LIN9: variants seen among roughly 807,000 people sequenced by gnomAD.
LIN9 encodes lin-9 DREAM MuvB core complex component.
In LIN9, 18 loss-of-function variants were observed where a neutral mutation model predicts 78.0. The observed-to-expected ratio is 0.23, with a 90% CI of 0.16 to 0.34. LIN9 has a LOEUF of 0.34. Ranked by LOEUF, LIN9 falls within the 10% of genes least tolerant of loss-of-function variation. The pLI, the probability that LIN9 is intolerant of heterozygous loss-of-function variation, is 1.00. For missense variants in LIN9, 451 were observed against 644.1 expected, an observed-to-expected ratio of 0.70 and a Z score of 3.25; for synonymous variants, 192 against 215.2, an observed-to-expected ratio of 0.89 and a Z score of 0.94.
At chr1:226,259,849 C>A (rs1659451339) in intron 10 of LIN9, among the ~76,000 whole-genome samples, 2 of 151,184 alleles carry the variant, frequency 1.3e-5, no homozygotes, top group African/African-American at 2.4e-5. Context: ...ATTTAAGCTT[C>A]CACCTTAGGA....
At chr1:226,301,741 G>T (rs939540421) in intron 1 of LIN9, among the ~76,000 whole-genome samples, 1 of 152,180 alleles carries the variant, frequency 6.6e-6, no homozygotes, top group Non-Finnish European at 1.5e-5. Flanking sequence ...CTAGAATAAA[G>T]TTGGAGGGGT....
intron 1 of LIN9, among the ~76,000 whole-genome samples, chr1:226,303,475 C>T (rs977367159): frequency 6.6e-6 from 1 of 152,176 alleles, no homozygotes; most frequent in African/African-American, 2.4e-5. Context: ...AAAGGTGATG[C>T]TTAAGCAGAG....
rs1657402458 is a variant in LIN9 at position 226,232,526 on chromosome 1, G to GC, written c.1603dup (p.Ala535GlyfsTer4). The GC allele has an allele frequency of 1.2e-6, 2 of 1,610,246 alleles. No homozygotes were observed. The highest frequency in any genetic ancestry group is 2.7e-5 in the African/African-American group (2 of 74,836). On this transcript the variant is annotated frameshift_variant, in exon 15 of 15. Coordinates refer to ENST00000681046, the MANE Select transcript of LIN9 (RefSeq NM_001366245.2). LOFTEE classifies it high-confidence loss of function. ...TCAGTCTCTGTTGGTGTTATTTGCTGCAAAGGCATGTAAGTTTCCCATCTG... is the reference window on the plus strand; with the variant it reads ...TCAGTCTCTGTTGGTGTTATTTGCTGCCAAAGGCATGTAAGTTTCCCATCTG...
chr1:226,274,744 T>C (rs775084223), intron 7 of LIN9, among the ~76,000 whole-genome samples: 3 of 152,086 alleles, frequency 2.0e-5, no homozygotes, highest in Admixed American at 6.6e-5. Context: ...CGACCCAGTC[T>C]TTTAGTGTTT....
chr1:226,246,618 TAA>T (rs759432059), intron 11 of LIN9, among the ~76,000 whole-genome samples: 26 of 131,460 alleles, frequency 2.0e-4, no homozygotes, highest in Admixed American at 2.3e-4. Flanking sequence ...CCGTCTCTAC[TAA>T]AAAAAAAAAA....
At chr1:226,250,396 G>GA (rs1658757814) in intron 11 of LIN9, among the ~76,000 whole-genome samples, 1 of 152,156 alleles carries the variant, frequency 6.6e-6, no homozygotes, top group Non-Finnish European at 1.5e-5. Flanking sequence ...GCAAACTGCT[G>GA]AAAGAACCTA....
chr1:226,232,494 T>C lies in LIN9; in HGVS notation c.*7A>G. ...GTCCCGTGCAGTTGGAATAATGAAA[T>C]CTTTACTCAGTCTCTGTTGGTGTTA... On this transcript the variant is annotated 3_prime_UTR_variant, in exon 15 of 15. Transcript: ENST00000681046. The C allele has an allele frequency of 6.3e-7, 1 of 1,590,380 alleles. No individual in the cohort carries two copies. Among genetic ancestry groups the C allele is most frequent in the Admixed American group, 1.7e-5 (1 of 59,480 alleles).
intron 1 of LIN9, among the ~76,000 whole-genome samples, chr1:226,302,607 A>G (rs1404015892): frequency 6.6e-6 from 1 of 152,122 alleles, no homozygotes; most frequent in Non-Finnish European, 1.5e-5. Context: ...AGAAAGCACT[A>G]AATTTAAAAA....
At chr1:226,295,427 C>T (rs1466210444) in intron 4 of LIN9, among the ~76,000 whole-genome samples, 2 of 151,550 alleles carry the variant, frequency 1.3e-5, no homozygotes, top group African/African-American at 4.8e-5. Flanking sequence ...CCAGCCTGGG[C>T]GACAGAGTGA....
intron 10 of LIN9, among the ~76,000 whole-genome samples, chr1:226,264,517 T>C (rs1659793697): frequency 6.6e-6 from 1 of 152,110 alleles, no homozygotes; most frequent in Admixed American, 6.5e-5. Context: ...ACTGTGAATA[T>C]TTTCATGGAT....
chr1:226,307,952 T>C (rs1663022127), intron 1 of LIN9, among the ~76,000 whole-genome samples: 2 of 152,222 alleles, frequency 1.3e-5, no homozygotes, highest in Admixed American at 1.3e-4. Flanking sequence ...CAAACACTTT[T>C]AATACGACTT....
At position 226,265,708 on chromosome 1, in the gene LIN9, T is replaced by C. The variant is rs1164750785; in HGVS notation, c.937-74A>G. On this transcript the variant is annotated intron_variant, in intron 9 of 14. Transcript: ENST00000681046. The surrounding 1 kb of genome is among the most constrained non-coding windows in gnomAD (Gnocchi z 4.1). ...TATCTTATTTTTTTATTTTTATTTT[T>C]TTTTAGACGGAGTCTCGCTCTGTTG... The C allele has an allele frequency of 1.1e-5, 9 of 821,694 alleles. No individual in the cohort carries two copies. The highest frequency in any genetic ancestry group is 3.5e-5 in the African/African-American group (2 of 56,656). The allele number at this position is 821,694 out of a possible 1,614,324, so 50.9% of individuals were successfully genotyped here. A position where few individuals can be genotyped will look rare whatever the true frequency, so the allele number is the denominator to read the frequency against.
intron 6 of LIN9, among the ~76,000 whole-genome samples, chr1:226,285,139 C>A (rs1289237207): frequency 6.6e-6 from 1 of 152,066 alleles, no homozygotes; most frequent in South Asian, 2.1e-4. Context: ...AATATTATGA[C>A]ACTCAAACTA....
rs562524077 is a variant in LIN9 at position 226,277,797 on chromosome 1, C to A, written c.660G>T (p.Leu220=). ...TACCTGTAACTTTCGTTCCAATAAC[C>A]AGAGGCAAAGGAATTTCATCTGGGA... is the stretch of plus-strand genomic sequence containing the variant. ...KDLPDEIPLP[L]VIGTKVTARL... Residue 220 remains leucine (L), a synonymous_variant, in exon 7 of 15, where the codon CTG becomes CTT. Transcript: ENST00000681046. 9.9e-6 allele frequency: 16 copies of A among 1,613,658 alleles called. No individual in the cohort carries two copies. The Admixed American group carries it at 2.5e-4, about 25-fold the overall frequency.
At chr1:226,257,866 A>G (rs1576301546) in intron 10 of LIN9, among the ~76,000 whole-genome samples, 1 of 152,200 alleles carries the variant, frequency 6.6e-6, no homozygotes, top group Admixed American at 6.5e-5. Flanking sequence ...TACTTTAAAC[A>G]TAAAGACACA....
At chr1:226,234,028 T>TA (rs2102821620) in intron 12 of LIN9, among the ~76,000 whole-genome samples, 1 of 152,330 alleles carries the variant, frequency 6.6e-6, no homozygotes, top group South Asian at 2.1e-4. Flanking sequence ...GCAGAAATAC[T>TA]ACAAATGTGG....
At chr1:226,236,196 CATAA>C (rs1231621740) in intron 12 of LIN9, among the ~76,000 whole-genome samples, 1 of 151,778 alleles carries the variant, frequency 6.6e-6, no homozygotes, top group African/African-American at 2.4e-5. Context: ...TTGAAGCATA[CATAA>C]ATACATAAAA....
At chr1:226,296,979 C>T (rs977581216) in intron 3 of LIN9, among the ~76,000 whole-genome samples, 5 of 152,106 alleles carry the variant, frequency 3.3e-5, no homozygotes, top group Non-Finnish European at 7.4e-5. Context: ...GGCGACAGAG[C>T]GAGACCTCGT....
chr1:226,306,453 G>A (rs1454244969), intron 1 of LIN9, among the ~76,000 whole-genome samples: 1 of 152,184 alleles, frequency 6.6e-6, no homozygotes, highest in Admixed American at 6.5e-5. Flanking sequence ...TAGGACTGAG[G>A]TGGATTTTAA....
Sources: allele counts gnomAD v4.1 joint callset (sites outside exome capture counted in the v4.1 genomes callset), GRCh38; gene constraint gnomAD v4.1.1; non-coding constraint Gnocchi (gnomAD v3.1); transcripts MANE v1.5; gene names NCBI Gene and HGNC (gene_info 2026-07-23, HGNC 2026-07-21).